The following PLPPR1 variants were observed in gnomAD, a reference collection of about 807,000 sequenced individuals.
PLPPR1 encodes the protein phospholipid phosphatase related 1.
PLPPR1 carries 10 observed loss-of-function variants against 33.1 expected under a neutral mutation model. That is an observed-to-expected ratio of 0.30 (90% CI 0.19 to 0.51). PLPPR1 has a LOEUF of 0.51. Ranked by LOEUF, PLPPR1 falls within the 20% of genes least tolerant of loss-of-function variation. The pLI, the probability that PLPPR1 is intolerant of heterozygous loss-of-function variation, is 0.97. For synonymous variants in PLPPR1, 151 were observed against 151.0 expected (o/e 1.00, Z 0.00); for missense variants, 304 against 408.1 (o/e 0.74, Z 2.20).
intron 2 of PLPPR1, among the ~76,000 whole-genome samples, chr9:101,248,446 T>C (rs1420409155): frequency 6.6e-6 from 1 of 152,004 alleles, no homozygotes; most frequent in African/African-American, 2.4e-5. Context: ...AATAGCAAAG[T>C]AGTTAGAGTG....
chr9:101,141,302 G>T (rs939680459), intron 1 of PLPPR1, among the ~76,000 whole-genome samples: 1 of 152,110 alleles, frequency 6.6e-6, no homozygotes, highest in African/African-American at 2.4e-5. Context: ...TGACTAGGAG[G>T]GTTGATATAA....
intron 2 of PLPPR1, among the ~76,000 whole-genome samples, chr9:101,262,909 A>C (rs1046566482): frequency 3.3e-5 from 5 of 152,170 alleles, no homozygotes; most frequent in African/African-American, 1.2e-4. Flanking sequence ...CAAGAACAGA[A>C]AACCAAACAA....
chr9:101,168,727 A>G (rs1182210249), intron 1 of PLPPR1, among the ~76,000 whole-genome samples: 1 of 152,084 alleles, frequency 6.6e-6, no homozygotes, highest in African/African-American at 2.4e-5. Flanking sequence ...CCTTTTTCTC[A>G]ATGCTCGTCT....
intron 4 of PLPPR1, among the ~76,000 whole-genome samples, chr9:101,295,753 A>G (rs1828616624): frequency 1.3e-5 from 2 of 152,126 alleles, no homozygotes; most frequent in South Asian, 4.1e-4. Context: ...AGCCATATGT[A>G]GAAAGCTGAA....
chr9:101,085,996 T>C (rs770631201), intron 1 of PLPPR1, among the ~76,000 whole-genome samples: 27 of 152,222 alleles, frequency 1.8e-4, no homozygotes, highest in Non-Finnish European at 3.7e-4. Flanking sequence ...GTTTTGTAGA[T>C]GCCTTTTATC....
In PLPPR1 at chr9:101,162,988, A is replaced by T. The variant is rs1443004909; in HGVS notation, c.-45-22462A>T. 2.6e-5 allele frequency among the ~76,000 whole-genome samples: 4 copies of T among 152,136 alleles called. No individual in the cohort carries two copies. In the East Asian group the frequency reaches 7.7e-4, roughly 29 times the overall value. On this transcript the variant is annotated intron_variant, in intron 1 of 7. Transcript: ENST00000374874. ...TAGCCTGCAAAGCACTGCCTGTTTG[A>T]CTGCCTTGTGGTTTCTCTGTGAGGA...
At chr9:101,122,285 T>C (rs1831188128) in intron 1 of PLPPR1, among the ~76,000 whole-genome samples, 1 of 152,218 alleles carries the variant, frequency 6.6e-6, no homozygotes, top group Non-Finnish European at 1.5e-5. Context: ...TTTCCAGGCA[T>C]TTTAAAACAT....
chr9:101,135,260 C>A (rs1831364769), intron 1 of PLPPR1, among the ~76,000 whole-genome samples: 1 of 152,164 alleles, frequency 6.6e-6, no homozygotes, highest in African/African-American at 2.4e-5. Flanking sequence ...AATTCATAGG[C>A]CACTCAAACA....
chr9:101,233,575 G>C (rs1344099106), intron 2 of PLPPR1, among the ~76,000 whole-genome samples: 1 of 151,906 alleles, frequency 6.6e-6, no homozygotes, highest in Non-Finnish European at 1.5e-5. Flanking sequence ...GGCCATGAAG[G>C]CTCCACCTTC....
At chr9:101,293,435 G>A (rs1260234827) in intron 4 of PLPPR1, among the ~76,000 whole-genome samples, 5 of 151,880 alleles carry the variant, frequency 3.3e-5, no homozygotes, top group Non-Finnish European at 7.4e-5. Context: ...ATTGAACTCA[G>A]CTCTGCACCA....
At chr9:101,307,389 T>A (rs1374874524) in intron 4 of PLPPR1, among the ~76,000 whole-genome samples, 23 of 152,232 alleles carry the variant, frequency 1.5e-4, no homozygotes, top group Non-Finnish European at 2.9e-5. Context: ...GGAAAAGTTA[T>A]GTCTGGACAG....
At position 101,104,480 on chromosome 9, in the gene PLPPR1, G is replaced by T. The variant is rs913535394; in HGVS notation, c.-46+75378G>T. On this transcript the variant is annotated intron_variant, in intron 1 of 7. Transcript: ENST00000374874. ...GATTTGCATATATTGAACCAGCCTT[G>T]CATCCCAGGGATGAAGCCCACTTGA... is the stretch of plus-strand genomic sequence containing the variant. Among the ~76,000 whole-genome samples, 26 of 104,432 alleles carry T rather than the reference G, an allele frequency of 2.5e-4. 1 individual carries two copies. Among genetic ancestry groups the T allele is most frequent in the Admixed American group, 1.9e-4 (2 of 10,756 alleles). 68.5% of individuals were successfully genotyped at this position (104,432 alleles called of 152,430 possible).
chr9:101,210,967 C>T (rs1826679814), intron 2 of PLPPR1, among the ~76,000 whole-genome samples: 1 of 152,100 alleles, frequency 6.6e-6, no homozygotes, highest in Non-Finnish European at 1.5e-5. Context: ...CGGGGTTTCA[C>T]CATGTTAGCC....
In PLPPR1 at chr9:101,263,468, G is replaced by A. The variant is rs553001007; in HGVS notation, c.64-6412G>A. On this transcript the variant is annotated intron_variant, in intron 2 of 7. Coordinates refer to ENST00000374874, the MANE Select transcript of PLPPR1 (RefSeq NM_207299.2). Reference sequence around the variant, plus strand: ...TTGCTGATGCTAGCTTACTTTATTTGATGAAAGCTGATTTTTGGAACAAAA... The same window carrying A: ...TTGCTGATGCTAGCTTACTTTATTTAATGAAAGCTGATTTTTGGAACAAAA... Among the ~76,000 whole-genome samples, 12 of 152,168 alleles carry A rather than the reference G, an allele frequency of 7.9e-5. No individual in the cohort carries two copies. In the South Asian group the frequency reaches 2.1e-3, roughly 26 times the overall value.
chr9:101,249,447 T>C (rs1018889864), intron 2 of PLPPR1, among the ~76,000 whole-genome samples: 1 of 152,210 alleles, frequency 6.6e-6, no homozygotes, highest in Admixed American at 6.6e-5. Flanking sequence ...TGGAGTACCA[T>C]GTGGAAAAGA....
chr9:101,115,823 C>T (rs12340190), intron 1 of PLPPR1, among the ~76,000 whole-genome samples: 7,458 of 152,238 alleles, frequency 0.049, 628 homozygotes, highest in African/African-American at 0.17. Flanking sequence ...GGATTTCTTG[C>T]TTTCCTTATT....
At chr9:101,191,099 A>T (rs543913723) in intron 2 of PLPPR1, among the ~76,000 whole-genome samples, 3 of 152,178 alleles carry the variant, frequency 2.0e-5, no homozygotes, top group Non-Finnish European at 4.4e-5. Flanking sequence ...CTTTTCAGAC[A>T]GAATCGCTAA....
chr9:101,046,432 A>G, intron 1 of PLPPR1, among the ~76,000 whole-genome samples: 1 of 113,492 alleles, frequency 8.8e-6, no homozygotes, highest in East Asian at 2.7e-4. Context: ...TACCTCTTTT[A>G]TTCTTTTTTT....
chr9:101,224,512 T>A (rs1241990004), intron 2 of PLPPR1, among the ~76,000 whole-genome samples: 1 of 152,288 alleles, frequency 6.6e-6, no homozygotes, highest in Non-Finnish European at 1.5e-5. Context: ...GTGGTGACGG[T>A]TTCACTTCGG....
Sources: gnomAD v4.1 joint callset for allele counts (sites outside exome capture counted in the v4.1 genomes callset) on GRCh38, gnomAD v4.1.1 for gene constraint, MANE v1.5 for transcripts, NCBI Gene and HGNC (gene_info 2026-07-23, HGNC 2026-07-21) for gene names.